The following RLIG1 variants were observed in gnomAD, a reference collection of about 807,000 sequenced individuals.
RLIG1 encodes the protein RNA 5'-phosphate and 3'-OH ligase 1.
the RLIG1 span, among the ~76,000 whole-genome samples, chr12:88,038,355 T>G: frequency 6.6e-6 from 1 of 152,188 alleles, no homozygotes; most frequent in African/African-American, 2.4e-5. Context: ...ATGCTCAAGC[T>G]TTGTTGAATG....
the RLIG1 span, chr12:88,045,845 A>AC: frequency 5.4e-6 from 7 of 1,286,174 alleles, no homozygotes; most frequent in Non-Finnish European, 7.7e-6. Context: ...TTTCTAGGTC[A>AC]ACTTAAAAAA....
chr12:88,044,909 A>G, the RLIG1 span: 6,640 of 152,488 alleles, frequency 0.044, 200 homozygotes, highest in Non-Finnish European at 0.064. Context: ...GTGGGCTCAG[A>G]TCGGAAAGGC....
chr12:88,049,569 A>G, the RLIG1 span: 1 of 576,010 alleles, frequency 1.7e-6, no homozygotes. Flanking sequence ...TCTTTGTTCC[A>G]TTGTACAGTG....
the RLIG1 span, chr12:88,047,022 C>T: frequency 6.7e-7 from 1 of 1,501,774 alleles, no homozygotes; most frequent in Non-Finnish European, 9.0e-7. Context: ...TCTTATATTC[C>T]TACAATAGAG....
At chr12:88,049,288 T>C in the RLIG1 span, 1 of 1,606,760 alleles carries the variant, frequency 6.2e-7, no homozygotes, top group Non-Finnish European at 8.5e-7. Flanking sequence ...GAAAGTTTTT[T>C]TACCTTCTCT....
the RLIG1 span, chr12:88,049,455 A>C: frequency 9.7e-7 from 1 of 1,027,474 alleles, no homozygotes; most frequent in Non-Finnish European, 1.4e-6. Flanking sequence ...TATAGGAAAT[A>C]TACATATTTT....
At chr12:88,040,355 T>G in the RLIG1 span, 1 of 722,930 alleles carries the variant, frequency 1.4e-6, no homozygotes, top group Non-Finnish European at 2.2e-6. Flanking sequence ...TTGCTCTTCA[T>G]AAACACTTGG....
At chr12:88,042,669 A>G in the RLIG1 span, 1 of 430,758 alleles carries the variant, frequency 2.3e-6, no homozygotes, top group East Asian at 3.7e-5. Flanking sequence ...TCATAGCATC[A>G]GGTACTGCTA....
chr12:88,038,459 G>T, the RLIG1 span, among the ~76,000 whole-genome samples: 3 of 152,194 alleles, frequency 2.0e-5, no homozygotes, highest in Non-Finnish European at 2.9e-5. Context: ...TCAGGTAACT[G>T]TGAAGAAAAC....
At chr12:88,043,050 T>C in the RLIG1 span, 3 of 441,164 alleles carry the variant, frequency 6.8e-6, no homozygotes, top group Admixed American at 1.3e-4. Flanking sequence ...TTGAATACTT[T>C]TATATATAAA....
the RLIG1 span, chr12:88,035,705 G>A: frequency 6.2e-7 from 1 of 1,607,006 alleles, no homozygotes; most frequent in Non-Finnish European, 8.5e-7. Flanking sequence ...TGACGGAGGT[G>A]AAAGAGGAGC....
At chr12:88,042,466 G>A in the RLIG1 span, 1 of 159,866 alleles carries the variant, frequency 6.3e-6, no homozygotes, top group East Asian at 1.8e-4. Flanking sequence ...TTACAGCACA[G>A]TGTTATGTTT....
chr12:88,046,655 A>G, the RLIG1 span: 1 of 626,164 alleles, frequency 1.6e-6, no homozygotes, highest in Non-Finnish European at 2.7e-6. Context: ...ATAAGGTGCC[A>G]GTGCACTGGG....
At chr12:88,045,837 T>C in the RLIG1 span, 1 of 1,412,922 alleles carries the variant, frequency 7.1e-7, no homozygotes, top group South Asian at 1.3e-5. Context: ...AAGAGAACTT[T>C]CTAGGTCAAC....
At chr12:88,049,032 TATA>T in the RLIG1 span, 2 of 440,154 alleles carry the variant, frequency 4.5e-6, no homozygotes, top group Non-Finnish European at 8.0e-6. Flanking sequence ...GAAAATTTCA[TATA>T]ATTTTATTTA....
the RLIG1 span, among the ~76,000 whole-genome samples, chr12:88,040,824 G>A: frequency 2.0e-5 from 3 of 151,590 alleles, no homozygotes; most frequent in East Asian, 1.9e-4. Flanking sequence ...ATTTTTGGAC[G>A]GTGAGATTAC....
the RLIG1 span, chr12:88,048,480 A>G: frequency 1.1e-6 from 1 of 893,434 alleles, no homozygotes; most frequent in East Asian, 3.1e-5. Context: ...TACCATATTT[A>G]AAAATATCTC....
chr12:88,045,636 T>C, the RLIG1 span: 1 of 1,613,070 alleles, frequency 6.2e-7, no homozygotes, highest in Non-Finnish European at 8.5e-7. Context: ...TCCTCTGTAG[T>C]TAATTATGAA....
At chr12:88,035,570 T>C in the RLIG1 span, 1 of 1,442,634 alleles carries the variant, frequency 6.9e-7, no homozygotes, top group Non-Finnish European at 9.5e-7. Flanking sequence ...TGCGGGTGAC[T>C]GCTTCAGGGC....
Sources: allele counts gnomAD v4.1 joint callset (sites outside exome capture counted in the v4.1 genomes callset), GRCh38; gene constraint gnomAD v4.1.1; transcripts MANE v1.5; gene names NCBI Gene and HGNC (gene_info 2026-07-23, HGNC 2026-07-21).